The following ZGRF1 variants were observed in gnomAD, a reference collection of about 807,000 sequenced individuals.
The protein encoded by ZGRF1 is zinc finger GRF-type containing 1, also known as 5'-3' DNA helicase ZGRF1.
ZGRF1 carries 196 observed loss-of-function variants against 203.5 expected under a neutral mutation model. The observed-to-expected ratio is 0.96, with a 90% CI of 0.86 to 1.08. The LOEUF is 1.08. Ranked by LOEUF, ZGRF1 falls within the 50% of genes least tolerant of loss-of-function variation. ZGRF1 has a pLI of 0.00. For synonymous variants in ZGRF1, 809 were observed against 841.3 expected (o/e 0.96, Z 0.66); for missense variants, 2,326 against 2,416.3 (o/e 0.96, Z 0.78).
intron 6 of ZGRF1, among the ~76,000 whole-genome samples, chr4:112,613,507 C>T (rs1302937762): frequency 6.6e-6 from 1 of 151,770 alleles, no homozygotes; most frequent in African/African-American, 2.4e-5. Flanking sequence ...AATAACTAAA[C>T]CAGATAAATT....
chr4:112,611,844 G>A (rs1246822300), intron 7 of ZGRF1, among the ~76,000 whole-genome samples: 1 of 152,112 alleles, frequency 6.6e-6, no homozygotes, highest in African/African-American at 2.4e-5. Context: ...GTGATAAAAA[G>A]CAATTATCAT....
rs142182454 is a variant in ZGRF1 at position 112,618,464 on chromosome 4, T to C, written c.1578A>G (p.Pro526=). Residue 526 remains proline, a synonymous_variant, in exon 6 of 28, where the codon CCA becomes CCG. Coordinates refer to ENST00000505019, the MANE Select transcript of ZGRF1 (RefSeq NM_018392.5). ...TCAGATTAAAAGTTACCTCCAAAAATGGTTGTGTTACATTACTCAGAGATT... is the reference window on the plus strand; with the variant it reads ...TCAGATTAAAAGTTACCTCCAAAAACGGTTGTGTTACATTACTCAGAGATT... ...IHESLSNVTQ[P]FLEVTFNLNN... is the part of the protein sequence containing the mutation. 6.8e-4 allele frequency: 1,095 copies of C among 1,613,712 alleles called. 18 individuals carry two copies. In the East Asian group the frequency reaches 0.024, roughly 35 times the overall value.
chr4:112,634,836 GA>G (rs1438534237), intron 1 of ZGRF1, among the ~76,000 whole-genome samples: 1 of 151,982 alleles, frequency 6.6e-6, no homozygotes, highest in Non-Finnish European at 1.5e-5. Context: ...CTGCCTTTCA[GA>G]AATATAACTC....
chr4:112,603,849 C>G, intron 9 of ZGRF1, 152 bp from the exon 10 acceptor site: 1 of 545,640 alleles, frequency 1.8e-6, no homozygotes, highest in Non-Finnish European at 3.1e-6. Flanking sequence ...CCGGGAAATT[C>G]TCCTATTATC....
intron 16 of ZGRF1, among the ~76,000 whole-genome samples, chr4:112,573,269 G>C (rs758916910): frequency 6.6e-6 from 1 of 151,880 alleles, no homozygotes; most frequent in Non-Finnish European, 1.5e-5. Flanking sequence ...GATGGAACTG[G>C]AGACCACTAT....
intron 7 of ZGRF1, among the ~76,000 whole-genome samples, chr4:112,610,214 C>A (rs183014165): frequency 1.3e-5 from 2 of 152,044 alleles, no homozygotes; most frequent in African/African-American, 4.8e-5. Context: ...AAGCTTACAA[C>A]GGTACTAGTA....
chr4:112,541,536 T>TTC (rs1168463920), intron 24 of ZGRF1, among the ~76,000 whole-genome samples: 1 of 147,024 alleles, frequency 6.8e-6, no homozygotes, highest in East Asian at 2.1e-4. Flanking sequence ...TTTGTTTTGT[T>TTC]TTTTTTTTTT....
chr4:112,593,906 G>GT (rs1748576554), intron 10 of ZGRF1, among the ~76,000 whole-genome samples: 1 of 151,556 alleles, frequency 6.6e-6, no homozygotes, highest in Admixed American at 6.6e-5. Flanking sequence ...TGGCACTACA[G>GT]TTGTGTGACA....
At chr4:112,555,400 C>T (rs921719634) in intron 20 of ZGRF1, among the ~76,000 whole-genome samples, 1 of 152,186 alleles carries the variant, frequency 6.6e-6, no homozygotes, top group African/African-American at 2.4e-5. Flanking sequence ...ACTCAACCCT[C>T]TAAAACTTCT....
At position 112,623,879 on chromosome 4, in the gene ZGRF1, G is replaced by C. The variant is rs777528602; in HGVS notation, c.103-3C>G. The C allele has an allele frequency of 1.3e-6, 2 of 1,536,854 alleles. No homozygotes were observed. Among genetic ancestry groups the C allele is most frequent in the Non-Finnish European group, 1.8e-6 (2 of 1,118,580 alleles). On this transcript the variant is annotated splice_polypyrimidine_tract_variant and splice_region_variant and intron_variant, in intron 3 of 27. Transcript: ENST00000505019. ...CCTTTGTCATCATATAAAATTGCCTGTATGAAAACAAAATAAATGTTAAAA... is the reference window on the plus strand; with the variant it reads ...CCTTTGTCATCATATAAAATTGCCTCTATGAAAACAAAATAAATGTTAAAA...
chr4:112,551,662 C>A (rs970074389), intron 22 of ZGRF1, among the ~76,000 whole-genome samples: 6 of 152,074 alleles, frequency 3.9e-5, no homozygotes, highest in African/African-American at 7.2e-5. Context: ...ATATTGAGTT[C>A]TTTAAAAATG....
rs1387208142 is a variant in ZGRF1 at position 112,540,832 on chromosome 4, G to C, written c.5899C>G (p.Gln1967Glu). The change falls in exon 26 of 28, where the codon CAG becomes GAG. Residue 1967 changes from glutamine (Q) to glutamate (E), a missense_variant. Physicochemically the swap from Gln to Glu is conservative, Grantham distance 29 (BLOSUM62 2). Transcript: ENST00000505019. ...MIGVITLYKS[Q>E]MYKLCHLLSA... is the part of the protein sequence containing the mutation. Reference sequence around the variant, plus strand: ...TACATAATACCAACCTTGTACATCTGGGATTTGTATAATGTTATCACACCA... The same window carrying C: ...TACATAATACCAACCTTGTACATCTCGGATTTGTATAATGTTATCACACCA... 2.5e-6 allele frequency: 4 copies of C among 1,593,214 alleles called. No homozygotes were observed. The East Asian group carries it at 6.8e-5, about 27-fold the overall frequency.
At position 112,539,940 on chromosome 4, in the gene ZGRF1, C is replaced by G. The variant is rs1737218774; in HGVS notation, c.6095G>C (p.Arg2032Thr). The G allele has an allele frequency of 6.2e-7, 1 of 1,613,746 alleles. No homozygotes were observed. The highest frequency in any genetic ancestry group is 1.3e-5 in the African/African-American group (1 of 74,930). ...TAAATTTCCCACAATCAACAAATGC[C>G]TCTTTCCTCTAGTCAATGCAACATT... ...RMNVALTRGK[R>T]HLLIVGNLAC... Residue 2032 changes from arginine to threonine, a missense_variant, in exon 27 of 28, where the codon AGG (arginine) becomes ACG (threonine). Physicochemically the swap from Arg to Thr is moderately conservative, Grantham distance 71. Coordinates refer to ENST00000505019, the MANE Select transcript of ZGRF1 (RefSeq NM_018392.5).
At chr4:112,553,605 C>T (rs956929092) in intron 22 of ZGRF1, among the ~76,000 whole-genome samples, 2 of 152,182 alleles carry the variant, frequency 1.3e-5, no homozygotes, top group Non-Finnish European at 2.9e-5. Context: ...AAGGATGACT[C>T]GGTCATGGTG....
chr4:112,543,160 G>C (rs942223383), intron 24 of ZGRF1, among the ~76,000 whole-genome samples: 1 of 151,998 alleles, frequency 6.6e-6, no homozygotes, highest in African/African-American at 2.4e-5. Flanking sequence ...GCCATATTAA[G>C]TCATTTTTGT....
Position 112,584,162 on chromosome 4 carries a change from A to G in ZGRF1, c.4114T>C (p.Tyr1372His), listed in dbSNP as rs572347444. The G allele has an allele frequency of 1.9e-6, 3 of 1,590,712 alleles. No homozygotes were observed. The highest frequency in any genetic ancestry group is 1.7e-6 in the Non-Finnish European group (2 of 1,173,060). ...TCAGCTTTGGGTCCATCACATGTAT[A>G]AAAGAGACGACCCTAAGGGGAAAGA... ...KEGPNKGRLF[Y>H]TCDGPKADRC... is the part of the protein sequence containing the mutation. The change falls in exon 15 of 28, where the codon TAT becomes CAT. Residue 1372 changes from tyrosine to histidine, a missense_variant. Physicochemically the swap from Tyr to His is moderately conservative, Grantham distance 83. Transcript: ENST00000505019.
intron 5 of ZGRF1, 53 bp from the exon 6 acceptor site, chr4:112,619,743 G>A: frequency 7.4e-7 from 1 of 1,347,566 alleles, no homozygotes; most frequent in Non-Finnish European, 1.0e-6. Context: ...AAGAAAATGT[G>A]AAATGAACTG....
intron 10 of ZGRF1, among the ~76,000 whole-genome samples, chr4:112,592,096 CTT>C (rs961223953): frequency 1.5e-4 from 19 of 128,544 alleles, no homozygotes; most frequent in Admixed American, 3.2e-4. Flanking sequence ...CTCATTCATT[CTT>C]TTTTTTTTTT....
intron 2 of ZGRF1, 127 bp from the exon 3 acceptor site, chr4:112,632,137 C>A: frequency 1.4e-5 from 5 of 362,078 alleles, no homozygotes; most frequent in East Asian, 4.3e-5. Context: ...CACATACACC[C>A]ATATCAATTT....
Sources: gnomAD v4.1 joint callset for allele counts (sites outside exome capture counted in the v4.1 genomes callset) on GRCh38, gnomAD v4.1.1 for gene constraint, MANE v1.5 for transcripts, NCBI Gene and HGNC (gene_info 2026-07-23, HGNC 2026-07-21) for gene names.